The following MTRF1L variants were observed in gnomAD, a reference collection of about 807,000 sequenced individuals.
The protein encoded by MTRF1L is peptide chain release factor 1-like, mitochondrial.
MTRF1L carries 29 observed loss-of-function variants against 40.0 expected under a neutral mutation model. The observed-to-expected ratio is 0.73, with a 90% CI of 0.54 to 0.99. The LOEUF (loss-of-function observed/expected upper bound fraction) is 0.99, where lower values mean the gene tolerates loss of function less well. Among genes scored for constraint, MTRF1L ranks in the 50% least tolerant of loss-of-function variants. MTRF1L has a pLI of 0.00. For missense variants in MTRF1L, 412 were observed against 464.5 expected, an observed-to-expected ratio of 0.89 and a Z score of 1.04; for synonymous variants, 150 against 175.8, an observed-to-expected ratio of 0.85 and a Z score of 1.16.
rs1373938756 is a variant in MTRF1L, at chr6:152,989,744, T to A, written c.*151A>T. 3 of 770,510 alleles carry A rather than the reference T, an allele frequency of 3.9e-6. No homozygotes were observed. The highest frequency in any genetic ancestry group is 6.0e-6 in the Non-Finnish European group (3 of 502,656). The allele number at this position is 770,510 out of a possible 1,614,324, so 47.7% of individuals were successfully genotyped here. ...ATTTTTGCTAATGCATTGAGAGAGA[T>A]CTGTGTAAATTATCTATGACTTCAG... On this transcript the variant is annotated 3_prime_UTR_variant, in exon 7 of 7. Transcript: ENST00000367233.
chr6:152,995,693 A>G (rs2129099532), intron 2 of MTRF1L, among the ~76,000 whole-genome samples: 1 of 152,298 alleles, frequency 6.6e-6, no homozygotes, highest in South Asian at 2.1e-4. Flanking sequence ...CATCCTCTTG[A>G]AAATTAAGGC....
In MTRF1L at chr6:152,989,639, G is replaced by T; in HGVS notation, c.*256C>A. 1 of 411,406 alleles carries T rather than the reference G, an allele frequency of 2.4e-6. No individual in the cohort carries two copies. The highest frequency in any genetic ancestry group is 2.8e-5 in the South Asian group (1 of 35,428). 25.5% of individuals were successfully genotyped at this position (411,406 alleles called of 1,614,324 possible). ...ATTAGGAGACTGCTGTGTTGCTAAC[G>T]TTATATGCATTTTTAACTTATGATG... On this transcript the variant is annotated 3_prime_UTR_variant, in exon 7 of 7. Transcript: ENST00000367233.
intron 6 of MTRF1L, 163 bp from the exon 7 acceptor site, chr6:152,990,258 GA>G (rs944744230): frequency 9.7e-7 from 1 of 1,031,358 alleles, no homozygotes; most frequent in African/African-American, 1.6e-5. Flanking sequence ...ACATGATATA[GA>G]AAAAAGAACA....
At chr6:152,998,432 T>A (rs924141291) in intron 2 of MTRF1L, 118 bp downstream of exon 2, 115 of 699,856 alleles carry the variant, frequency 1.6e-4, no homozygotes, top group Non-Finnish European at 2.2e-4. Flanking sequence ...AAAATAAATT[T>A]AAAAAACCCA....
At chr6:152,993,092 T>C (rs1474170692) in intron 4 of MTRF1L, 118 bp from the exon 5 acceptor site, 10 of 760,666 alleles carry the variant, frequency 1.3e-5, no homozygotes, top group Non-Finnish European at 2.2e-5. Flanking sequence ...GGAGGTTTAA[T>C]TTTAAGACTA....
Position 152,990,002 on chromosome 6 carries a change from G to A in MTRF1L, c.1036C>T (p.Leu346Phe). The A allele has an allele frequency of 1.2e-6, 2 of 1,613,786 alleles. No individual in the cohort carries two copies. The highest frequency in any genetic ancestry group is 1.7e-5 in the Admixed American group (1 of 59,996). ...TAATCTCCTTGCATAAAAGTTTCAAGATCATGCAGCGTCTTGTTTATTCTG... is the reference window on the plus strand; with the variant it reads ...TAATCTCCTTGCATAAAAGTTTCAAAATCATGCAGCGTCTTGTTTATTCTG... ...DHRINKTLHD[L>F]ETFMQGDYLL... Residue 346 changes from leucine (L) to phenylalanine (F), a missense_variant, in exon 7 of 7, where the codon CTT becomes TTT. Leu to Phe is a conservative substitution (Grantham distance 22). Coordinates refer to ENST00000367233, the MANE Select transcript of MTRF1L (RefSeq NM_019041.7).
chr6:153,002,440 C>T lies in MTRF1L; in HGVS notation c.246G>A (p.Glu82=). The change falls in exon 1 of 7, where the codon GAG becomes GAA. Residue 82 remains glutamate (E), a synonymous_variant. Transcript: ENST00000367233. ...NEKERELRET[E]HLLHDENEDL... The stretch of plus-strand genomic sequence containing the variant: ...CCCGACCCTTACCGTGCAGCAAGTG[C>T]TCAGTCTCCCGCAGCTCCCGCTCCT... 7 of 1,613,970 alleles carry T rather than the reference C, an allele frequency of 4.3e-6. No homozygotes were observed. Among genetic ancestry groups the T allele is most frequent in the Non-Finnish European group, 5.9e-6 (7 of 1,179,872 alleles).
chr6:152,998,348 T>C (rs1584104462), intron 2 of MTRF1L: 1 of 352,728 alleles, frequency 2.8e-6, no homozygotes, highest in South Asian at 7.1e-5. Context: ...AATGTATGCA[T>C]ATATCAAAAC....
intron 6 of MTRF1L, 55 bp from the exon 7 acceptor site, chr6:152,990,150 C>G: frequency 6.4e-7 from 1 of 1,571,530 alleles, no homozygotes; most frequent in Non-Finnish European, 8.6e-7. Context: ...TTTAAACCTA[C>G]AAATTTAACT....
Position 152,989,749 on chromosome 6 carries a change from G to A in MTRF1L, c.*146C>T, listed in dbSNP as rs1167218509. On this transcript the variant is annotated 3_prime_UTR_variant, in exon 7 of 7. Coordinates refer to ENST00000367233, the MANE Select transcript of MTRF1L (RefSeq NM_019041.7). ...TGCTAATGCATTGAGAGAGATCTGT[G>A]TAAATTATCTATGACTTCAGAATAT... is the stretch of plus-strand genomic sequence containing the variant. 12 of 854,816 alleles carry A rather than the reference G, an allele frequency of 1.4e-5. No individual in the cohort carries two copies. Among genetic ancestry groups the A allele is most frequent in the Non-Finnish European group, 2.1e-5 (12 of 578,380 alleles). The allele number at this position is 854,816 out of a possible 1,614,324, so 53.0% of individuals were successfully genotyped here. A position where few individuals can be genotyped will look rare whatever the true frequency, so the allele number is the denominator to read the frequency against.
At chr6:152,998,453 A>G in intron 2 of MTRF1L, 97 bp downstream of exon 2, 1 of 884,028 alleles carries the variant, frequency 1.1e-6, no homozygotes, top group Non-Finnish European at 1.6e-6. Flanking sequence ...GTTTATTCTA[A>G]ACAGTAACAA....
chr6:152,991,148 C>A, intron 6 of MTRF1L, 37 bp downstream of exon 6: 1 of 1,331,452 alleles, frequency 7.5e-7, no homozygotes, highest in Non-Finnish European at 1.0e-6. Flanking sequence ...AAAAATATTT[C>A]TATCCTTTAA....
intron 1 of MTRF1L, among the ~76,000 whole-genome samples, chr6:153,000,741 C>T (rs1273560429): frequency 6.6e-6 from 1 of 152,114 alleles, no homozygotes; most frequent in Non-Finnish European, 1.5e-5. Flanking sequence ...AGCTGTTACA[C>T]TGGATTCTAT....
intron 1 of MTRF1L, among the ~76,000 whole-genome samples, chr6:152,999,186 C>T (rs1440929957): frequency 6.6e-6 from 1 of 152,190 alleles, no homozygotes; most frequent in African/African-American, 2.4e-5. Context: ...CTCTCTCTGG[C>T]TTTACCTTTA....
At chr6:153,000,529 CAT>C (rs771803842) in intron 1 of MTRF1L, among the ~76,000 whole-genome samples, 17 of 152,250 alleles carry the variant, frequency 1.1e-4, no homozygotes, top group African/African-American at 1.9e-4. Flanking sequence ...TATAAATCAA[CAT>C]ATGTTTACTG....
At chr6:153,000,355 A>G (rs1432762933) in intron 1 of MTRF1L, among the ~76,000 whole-genome samples, 1 of 152,184 alleles carries the variant, frequency 6.6e-6, no homozygotes, top group African/African-American at 2.4e-5. Flanking sequence ...TGAAATCTAT[A>G]TGTATTTTAC....
At chr6:152,998,149 GTCT>G in intron 2 of MTRF1L, 1 of 124,578 alleles carries the variant, frequency 8.0e-6, no homozygotes, top group East Asian at 2.3e-4. Context: ...TCTACCTCCA[GTCT>G]TCTTAAAAAA....
intron 2 of MTRF1L, among the ~76,000 whole-genome samples, chr6:152,997,888 G>A (rs1043846745): frequency 6.6e-6 from 1 of 151,802 alleles, no homozygotes; most frequent in African/African-American, 2.4e-5. Flanking sequence ...TTTGTAAAGG[G>A]TACCCATTGT....
intron 1 of MTRF1L, among the ~76,000 whole-genome samples, chr6:153,002,156 T>A (rs1778940586): frequency 6.6e-6 from 1 of 152,192 alleles, no homozygotes; most frequent in African/African-American, 2.4e-5. Context: ...GGACAGTGCC[T>A]TATTTATCCT....
Sources: gnomAD v4.1 joint callset for allele counts (sites outside exome capture counted in the v4.1 genomes callset) on GRCh38, gnomAD v4.1.1 for gene constraint, MANE v1.5 for transcripts, NCBI Gene and HGNC (gene_info 2026-07-23, HGNC 2026-07-21) for gene names.